Variants in LNX1 observed in about 807,000 individuals in gnomAD.
LNX1 encodes the protein E3 ubiquitin-protein ligase LNX.
Under a neutral mutation model 68.4 loss-of-function variants are expected in LNX1, and 54 were observed. That is an observed-to-expected ratio of 0.79 (90% CI 0.63 to 0.99). LNX1 has a LOEUF of 0.99. Among genes scored for constraint, LNX1 ranks in the 50% least tolerant of loss-of-function variants. The pLI is 0.00. For missense variants in LNX1, 906 were observed against 926.4 expected, an observed-to-expected ratio of 0.98 and a Z score of 0.29; for synonymous variants, 336 against 350.0, an observed-to-expected ratio of 0.96 and a Z score of 0.45.
At chr4:53,531,161 C>G (rs1727994727) in intron 2 of LNX1, among the ~76,000 whole-genome samples, 1 of 152,132 alleles carries the variant, frequency 6.6e-6, no homozygotes, top group Non-Finnish European at 1.5e-5. Flanking sequence ...TTTCTTGCTT[C>G]CAGTAAGTTA....
chr4:53,650,562 T>A (rs6813835), intron 1 of LNX1, among the ~76,000 whole-genome samples: 25,343 of 152,168 alleles, frequency 0.17, 2,247 homozygotes, highest in African/African-American at 0.23. Context: ...TATGGTTTTC[T>A]ATACATATAG....
intron 9 of LNX1, among the ~76,000 whole-genome samples, chr4:53,465,936 T>C (rs973672344): frequency 3.3e-5 from 5 of 152,228 alleles, no homozygotes; most frequent in African/African-American, 1.2e-4. Context: ...CCACAAAGTA[T>C]AGAGTTTGTG....
intron 2 of LNX1, among the ~76,000 whole-genome samples, chr4:53,518,304 C>A (rs1350228399): frequency 6.6e-6 from 1 of 152,190 alleles, no homozygotes; most frequent in Non-Finnish European, 1.5e-5. Flanking sequence ...GCTGAACAGG[C>A]ATGAGACACA....
chr4:53,556,971 C>T (rs751436893), intron 2 of LNX1, among the ~76,000 whole-genome samples: 2 of 152,178 alleles, frequency 1.3e-5, no homozygotes, highest in Admixed American at 6.5e-5. Context: ...CTATTTTTCC[C>T]GTCTGGTTAG....
At position 53,566,293 on chromosome 4, in the gene LNX1, G is replaced by A. The variant is rs1469737534; in HGVS notation, c.380+7330C>T. On this transcript the variant is annotated intron_variant, in intron 2 of 10. Transcript: ENST00000263925. ...AAGGGAAGCCCATCAGACTAACAGC[G>A]GATCTCTCTGCAGAAACCCTACAAG... Among the ~76,000 whole-genome samples, 610 of 151,186 alleles carry A rather than the reference G, an allele frequency of 4.0e-3. 3 individuals carry two copies. Among genetic ancestry groups the A allele is most frequent in the Non-Finnish European group, 6.9e-3 (466 of 67,704 alleles).
At chr4:53,636,126 C>A (rs1161600138) in intron 1 of LNX1, among the ~76,000 whole-genome samples, 2 of 144,004 alleles carry the variant, frequency 1.4e-5, no homozygotes, top group South Asian at 4.5e-4. Flanking sequence ...ACAATGCCTG[C>A]AATTCAGAGT....
intron 2 of LNX1, among the ~76,000 whole-genome samples, chr4:53,519,831 C>T (rs541293448): frequency 6.6e-6 from 1 of 152,324 alleles, no homozygotes; most frequent in Admixed American, 6.5e-5. Flanking sequence ...GATTCACTTG[C>T]GCAGGTTTGC....
chr4:53,568,456 C>T (rs1437757841), intron 2 of LNX1, among the ~76,000 whole-genome samples: 1 of 152,096 alleles, frequency 6.6e-6, no homozygotes, highest in African/African-American at 2.4e-5. Flanking sequence ...ACCTTTCATG[C>T]TAAAAACTCT....
intron 1 of LNX1, among the ~76,000 whole-genome samples, chr4:53,650,191 C>G (rs1313009464): frequency 1.3e-5 from 2 of 152,200 alleles, no homozygotes; most frequent in Non-Finnish European, 2.9e-5. Flanking sequence ...ACAGTGACAA[C>G]ACAGGTACAT....
At position 53,650,322 on chromosome 4, in the gene LNX1, G is replaced by GGCA. The variant is rs1305322261; in HGVS notation, c.-215+1843_-215+1845dup. 2.0e-5 allele frequency among the ~76,000 whole-genome samples: 3 copies of GGCA among 152,226 alleles called. No homozygotes were observed. In the East Asian group the frequency reaches 5.8e-4, roughly 29 times the overall value. On this transcript the variant is annotated intron_variant, in intron 1 of 2. Transcript: ENST00000507168. ...TCCAGAATTCCAGGAGCCAGCTCAG[G>GGCA]GCAGCCCAGAACAAAGTGTCAGGGC... is the stretch of plus-strand genomic sequence containing the variant.
chr4:53,521,757 T>C (rs1199087080), intron 2 of LNX1, among the ~76,000 whole-genome samples: 1 of 152,148 alleles, frequency 6.6e-6, no homozygotes, highest in African/African-American at 2.4e-5. Flanking sequence ...AAAATATTTA[T>C]TGGATAACTG....
intron 1 of LNX1, among the ~76,000 whole-genome samples, chr4:53,627,774 T>C (rs1461011419): frequency 6.6e-6 from 1 of 152,216 alleles, no homozygotes; most frequent in Non-Finnish European, 1.5e-5. Flanking sequence ...TAACCCTCTA[T>C]TGACTTTACT....
chr4:53,539,716 A>T (rs1333183097), intron 2 of LNX1, among the ~76,000 whole-genome samples: 3 of 152,242 alleles, frequency 2.0e-5, no homozygotes, highest in Admixed American at 6.5e-5. Context: ...TCTCCTTAAC[A>T]TGTATGTATA....
intron 1 of LNX1, among the ~76,000 whole-genome samples, chr4:53,637,928 TTGA>T (rs1734542390): frequency 6.6e-6 from 1 of 152,208 alleles, no homozygotes; most frequent in Non-Finnish European, 1.5e-5. Context: ...GATTTTGAAG[TTGA>T]TCTTGGAAGC....
intron 9 of LNX1, among the ~76,000 whole-genome samples, chr4:53,474,806 AC>A (rs1723457994): frequency 6.6e-6 from 1 of 151,698 alleles, no homozygotes; most frequent in African/African-American, 2.4e-5. Flanking sequence ...TCTCTCTGTC[AC>A]CCAGGCTGGA....
intron 5 of LNX1, among the ~76,000 whole-genome samples, chr4:53,497,916 A>T (rs1445102450): frequency 6.6e-6 from 1 of 152,230 alleles, no homozygotes; most frequent in Admixed American, 6.5e-5. Context: ...TAGAACTGTT[A>T]TCTGAGTGTC....
chr4:53,651,438 C>T (rs183018125), intron 1 of LNX1, among the ~76,000 whole-genome samples: 1 of 152,334 alleles, frequency 6.6e-6, no homozygotes, highest in Non-Finnish European at 1.5e-5. Flanking sequence ...TGGAAGTAAA[C>T]AGGAATACAT....
chr4:53,476,294 T>C (rs1385122574), intron 9 of LNX1, among the ~76,000 whole-genome samples: 1 of 152,100 alleles, frequency 6.6e-6, no homozygotes, highest in Non-Finnish European at 1.5e-5. Flanking sequence ...CAAGACTCTA[T>C]ATAAAAATAA....
At chr4:53,522,620 C>T (rs1434360363) in intron 2 of LNX1, among the ~76,000 whole-genome samples, 1 of 152,228 alleles carries the variant, frequency 6.6e-6, no homozygotes, top group African/African-American at 2.4e-5. Flanking sequence ...ACTGTACATA[C>T]AGGGTTGAAG....
Sources: gnomAD v4.1 joint callset for allele counts (sites outside exome capture counted in the v4.1 genomes callset) on GRCh38, gnomAD v4.1.1 for gene constraint, MANE v1.5 for transcripts, NCBI Gene and HGNC (gene_info 2026-07-23, HGNC 2026-07-21) for gene names.